The following CNTN6 variants were observed in gnomAD, a reference collection of about 807,000 sequenced individuals.
CNTN6 encodes contactin-6.
CNTN6 carries 137 observed loss-of-function variants against 122.8 expected under a neutral mutation model. That is an observed-to-expected ratio of 1.12 (90% CI 0.97 to 1.29). The LOEUF is 1.29. Ranked by LOEUF, CNTN6 falls within the 50% of genes most tolerant of loss-of-function variation. CNTN6 has a pLI of 0.00. For synonymous variants in CNTN6, 570 were observed against 426.0 expected (o/e 1.34, Z -4.16); for missense variants, 1,634 against 1,223.4 (o/e 1.34, Z -5.01).
Position 1,329,813 on chromosome 3 carries a change from A to G in CNTN6, c.1242A>G (p.Pro414=). The change falls in exon 11 of 23, where the codon CCA becomes CCG. Residue 414 remains proline, a synonymous_variant. Coordinates refer to ENST00000446702, the MANE Select transcript of CNTN6 (RefSeq NM_001289080.2). ...CAGCTCCAGATTTCTCCAAAAGTCCAGTTAAAAAAAAGTCTTTTGTTCAAG... is the reference window on the plus strand; with the variant it reads ...CAGCTCCAGATTTCTCCAAAAGTCCGGTTAAAAAAAAGTCTTTTGTTCAAG... ...LASAPDFSKS[P]VKKKSFVQVG... 1.2e-6 allele frequency: 2 copies of G among 1,606,374 alleles called. No individual in the cohort carries two copies. The highest frequency in any genetic ancestry group is 1.7e-6 in the Non-Finnish European group (2 of 1,177,060).
intron 20 of CNTN6, 88 bp from the exon 21 acceptor site, chr3:1,401,343 AAG>A: frequency 1.0e-6 from 1 of 1,004,608 alleles, no homozygotes; most frequent in Non-Finnish European, 1.5e-6. Flanking sequence ...CAAATCATCG[AAG>A]ACTTATTTTT....
At chr3:1,310,348 A>T (rs1469116672) in intron 7 of CNTN6, among the ~76,000 whole-genome samples, 1 of 152,018 alleles carries the variant, frequency 6.6e-6, no homozygotes, top group East Asian at 1.9e-4. Context: ...CATTTTTCCA[A>T]ATGCTTTTTT....
chr3:1,281,835 G>A (rs1265401711), intron 5 of CNTN6, among the ~76,000 whole-genome samples: 1 of 152,172 alleles, frequency 6.6e-6, no homozygotes, highest in African/African-American at 2.4e-5. Flanking sequence ...GAGTTCGGCA[G>A]CAAGGGAGAA....
intron 20 of CNTN6, among the ~76,000 whole-genome samples, chr3:1,387,476 C>T (rs1430414818): frequency 6.6e-6 from 1 of 152,052 alleles, no homozygotes; most frequent in Non-Finnish European, 1.5e-5. Context: ...TGAAAATCTC[C>T]AATCAATCAG....
intron 1 of CNTN6, among the ~76,000 whole-genome samples, chr3:1,136,167 T>C (rs2125119208): frequency 6.6e-6 from 1 of 152,294 alleles, no homozygotes; most frequent in Admixed American, 6.5e-5. Flanking sequence ...TTACATCCTT[T>C]ATTAATTGAC....
At chr3:1,395,707 A>G (rs1694902477) in intron 20 of CNTN6, among the ~76,000 whole-genome samples, 1 of 152,200 alleles carries the variant, frequency 6.6e-6, no homozygotes, top group African/African-American at 2.4e-5. Context: ...GTCCACAGGT[A>G]CTGGAGATTA....
At chr3:1,170,236 C>CAAAAAAAAAA (rs10525769) in intron 2 of CNTN6, among the ~76,000 whole-genome samples, 3 of 107,462 alleles carry the variant, frequency 2.8e-5, no homozygotes, top group East Asian at 2.5e-4. Flanking sequence ...GGCTCCATCT[C>CAAAAAAAAAA]AAAAAAAAAA....
At chr3:1,158,919 CATATATATAT>C (rs1172931963) in intron 2 of CNTN6, among the ~76,000 whole-genome samples, 1 of 117,820 alleles carries the variant, frequency 8.5e-6, no homozygotes, top group East Asian at 3.1e-4. Flanking sequence ...TATACACACA[CATATATATAT>C]ATACACACAC....
chr3:1,298,165 A>G (rs1363255950), intron 7 of CNTN6, 174 bp downstream of exon 7: 6 of 558,378 alleles, frequency 1.1e-5, no homozygotes, highest in Admixed American at 3.2e-5. Flanking sequence ...TACTGAGACA[A>G]TGACCAGGCC....
chr3:1,373,841 AAATT>A (rs1709467443), intron 15 of CNTN6, 79 bp downstream of exon 15: 14 of 1,460,046 alleles, frequency 9.6e-6, no homozygotes, highest in Non-Finnish European at 1.2e-5. Flanking sequence ...ATTACATTTT[AAATT>A]AATAATTATA....
At chr3:1,241,062 T>C (rs934351432) in intron 4 of CNTN6, among the ~76,000 whole-genome samples, 5 of 151,860 alleles carry the variant, frequency 3.3e-5, no homozygotes, top group African/African-American at 1.2e-4. Flanking sequence ...GTGGGGGAGA[T>C]TACAAAGTAC....
At chr3:1,102,651 C>CA (rs2090981414) in intron 1 of CNTN6, among the ~76,000 whole-genome samples, 1 of 149,402 alleles carries the variant, frequency 6.7e-6, no homozygotes, top group Non-Finnish European at 1.5e-5. Flanking sequence ...TGGCGGGAAC[C>CA]CGGGGGGCGG....
At chr3:1,355,328 A>G (rs1053601999) in intron 12 of CNTN6, among the ~76,000 whole-genome samples, 6 of 151,692 alleles carry the variant, frequency 4.0e-5, no homozygotes, top group African/African-American at 7.2e-5. Flanking sequence ...GTAATGTTTA[A>G]TCTTTATGAA....
chr3:1,203,316 C>T (rs2093911207), intron 2 of CNTN6, among the ~76,000 whole-genome samples: 1 of 152,188 alleles, frequency 6.6e-6, no homozygotes, highest in South Asian at 2.1e-4. Flanking sequence ...TTGCCCTTGG[C>T]TGTAGGCAAG....
In CNTN6 at chr3:1,251,534, A is replaced by C. The variant is rs533088291; in HGVS notation, c.358+23541A>C. 2.0e-5 allele frequency among the ~76,000 whole-genome samples: 3 copies of C among 152,230 alleles called. No individual in the cohort carries two copies. In the South Asian group the frequency reaches 6.2e-4, roughly 32 times the overall value. On this transcript the variant is annotated intron_variant, in intron 4 of 22. Transcript: ENST00000446702. ...TTTCACTTTCCCCCTTATTTCATTC[A>C]TCTGGTGAAATCTAAGCCATGATGA...
chr3:1,296,657 C>G (rs1022062895), intron 6 of CNTN6, among the ~76,000 whole-genome samples: 6 of 152,054 alleles, frequency 3.9e-5, no homozygotes, highest in African/African-American at 1.4e-4. Flanking sequence ...TGGAACAAGT[C>G]CCATAGAAGG....
intron 19 of CNTN6, among the ~76,000 whole-genome samples, chr3:1,385,275 G>A (rs563152491): frequency 6.6e-6 from 1 of 152,204 alleles, no homozygotes; most frequent in East Asian, 1.9e-4. Flanking sequence ...GTCTTTGACT[G>A]ATTATATACA....
intron 20 of CNTN6, among the ~76,000 whole-genome samples, chr3:1,389,735 A>C (rs1693808273): frequency 6.7e-6 from 1 of 150,312 alleles, no homozygotes; most frequent in Non-Finnish European, 1.5e-5. Context: ...CCAATGGAAA[A>C]CAAAAAAAGG....
intron 6 of CNTN6, among the ~76,000 whole-genome samples, chr3:1,296,179 T>C (rs965924523): frequency 6.6e-6 from 1 of 152,200 alleles, no homozygotes; most frequent in African/African-American, 2.4e-5. Context: ...ATGTTGCAGC[T>C]ACTTTTTAAT....
Sources: gnomAD v4.1 joint callset for allele counts (sites outside exome capture counted in the v4.1 genomes callset) on GRCh38, gnomAD v4.1.1 for gene constraint, MANE v1.5 for transcripts, NCBI Gene and HGNC (gene_info 2026-07-23, HGNC 2026-07-21) for gene names.